The following ADGRA1 variants were observed in gnomAD, a reference collection of about 807,000 sequenced individuals.
ADGRA1 encodes adhesion G protein-coupled receptor A1.
A neutral mutation model predicts 21.3 loss-of-function variants in ADGRA1; 12 were observed. The ratio of observed to expected loss-of-function variants is 0.56; its 90% CI spans 0.36 to 0.91. The LOEUF (loss-of-function observed/expected upper bound fraction) is 0.91, where lower values mean the gene tolerates loss of function less well. Among genes scored for constraint, ADGRA1 ranks in the 40% least tolerant of loss-of-function variants. The pLI is 0.01. For synonymous variants in ADGRA1, 385 were observed against 368.8 expected, an observed-to-expected ratio of 1.04 and a Z score of -0.50; for missense variants, 790 against 805.6, an observed-to-expected ratio of 0.98 and a Z score of 0.23.
intron 5 of ADGRA1, among the ~76,000 whole-genome samples, chr10:133,118,259 C>G (rs1173014213): frequency 6.6e-6 from 1 of 152,142 alleles, no homozygotes; most frequent in African/African-American, 2.4e-5. Context: ...ACGGTGCCCA[C>G]AGGATTTTTA....
chr10:133,094,903 C>T (rs1364333245), intron 2 of ADGRA1, among the ~76,000 whole-genome samples: 1 of 152,182 alleles, frequency 6.6e-6, no homozygotes, highest in African/African-American at 2.4e-5. Flanking sequence ...CACTGGATAA[C>T]CTGATGTCGG....
At chr10:133,094,254 C>T (rs992709224) in intron 2 of ADGRA1, among the ~76,000 whole-genome samples, 4 of 152,252 alleles carry the variant, frequency 2.6e-5, no homozygotes, top group African/African-American at 9.6e-5. Flanking sequence ...ACGTTTGCCT[C>T]TTGCATGAAA....
intron 5 of ADGRA1, among the ~76,000 whole-genome samples, chr10:133,118,193 A>G (rs752477394): frequency 7.2e-5 from 11 of 152,212 alleles, no homozygotes; most frequent in East Asian, 5.8e-4. Context: ...CCTTTTCATT[A>G]GAGAGTAAAA....
At chr10:133,111,702 A>T (rs373902014) in intron 5 of ADGRA1, among the ~76,000 whole-genome samples, 11 of 11,418 alleles carry the variant, frequency 9.6e-4, no homozygotes, top group South Asian at 4.4e-3. Flanking sequence ...TCCTAATCCC[A>T]CCAGACCACC....
intron 5 of ADGRA1, among the ~76,000 whole-genome samples, chr10:133,117,467 G>A (rs1009624): frequency 2.0e-5 from 3 of 152,184 alleles, no homozygotes; most frequent in Admixed American, 6.5e-5. Flanking sequence ...TGGGAGGTCC[G>A]GTGCACTGTG....
At chr10:133,090,343 C>T (rs1219573713) in intron 2 of ADGRA1, among the ~76,000 whole-genome samples, 2 of 152,274 alleles carry the variant, frequency 1.3e-5, no homozygotes, top group East Asian at 1.9e-4. Flanking sequence ...CGGTCCCAGC[C>T]GGCCTGGCAG....
At chr10:133,109,802 T>G (rs1851954787) in intron 5 of ADGRA1, among the ~76,000 whole-genome samples, 1 of 152,248 alleles carries the variant, frequency 6.6e-6, no homozygotes, top group African/African-American at 2.4e-5. Flanking sequence ...GAAATCGGCC[T>G]CCAGGCTCAG....
Position 133,128,989 on chromosome 10 carries a change from G to C in ADGRA1, c.1161G>C (p.Met387Ile), listed in dbSNP as rs1190729070. 1 of 1,565,344 alleles carries C rather than the reference G, an allele frequency of 6.4e-7. No homozygotes were observed. Among genetic ancestry groups the C allele is most frequent in the East Asian group, 2.3e-5 (1 of 42,784 alleles). The part of the protein sequence containing the change: ...LSPATPCCAK[M>I]HCEPLTADEA... ...CGGCCACCCCGTGCTGCGCCAAGAT[G>C]CACTGCGAGCCACTGACGGCGGACG... The change falls in exon 7 of 7, where the codon ATG becomes ATC. Residue 387 changes from methionine (M) to isoleucine (I), a missense_variant. Met to Ile is a conservative substitution (Grantham distance 10, BLOSUM62 1). Coordinates refer to ENST00000392607, the MANE Select transcript of ADGRA1 (RefSeq NM_001083909.3).
intron 5 of ADGRA1, among the ~76,000 whole-genome samples, chr10:133,112,211 G>A (rs1274313109): frequency 6.6e-6 from 1 of 152,254 alleles, no homozygotes; most frequent in Non-Finnish European, 1.5e-5. Context: ...GTGCTCGGGG[G>A]CTGATTCCCC....
chr10:133,100,309 G>A (rs926797418), intron 4 of ADGRA1, among the ~76,000 whole-genome samples: 4 of 152,238 alleles, frequency 2.6e-5, no homozygotes, highest in East Asian at 3.9e-4. Context: ...GCAAGTGCCC[G>A]GGAAACGCCA....
At chr10:133,098,540 G>T in intron 3 of ADGRA1, 100 bp from the exon 4 acceptor site, 1 of 1,447,454 alleles carries the variant, frequency 6.9e-7, no homozygotes, top group South Asian at 1.3e-5. Flanking sequence ...CGGAGAGCCC[G>T]GACTTCCCGG....
At chr10:133,095,683 C>A in intron 2 of ADGRA1, 2 of 1,597,320 alleles carry the variant, frequency 1.3e-6, no homozygotes, top group Non-Finnish European at 1.7e-6. Context: ...CACTCTCTAG[C>A]CAGCCAGGGC....
intron 5 of ADGRA1, among the ~76,000 whole-genome samples, chr10:133,108,859 G>A (rs1334776025): frequency 2.7e-5 from 2 of 72,976 alleles, no homozygotes; most frequent in African/African-American, 5.1e-5. Context: ...CTCCCCTCAT[G>A]TCCTCCATGG....
intron 5 of ADGRA1, among the ~76,000 whole-genome samples, chr10:133,103,531 G>T (rs564289390): frequency 6.6e-6 from 1 of 152,324 alleles, no homozygotes; most frequent in African/African-American, 2.4e-5. Flanking sequence ...CCATCCTCAG[G>T]CTGGGAATGC....
chr10:133,102,677 T>C lies in ADGRA1; in HGVS notation c.256-20T>C. 1 of 1,590,418 alleles carries C rather than the reference T, an allele frequency of 6.3e-7. No individual in the cohort carries two copies. The highest frequency in any genetic ancestry group is 8.6e-7 in the Non-Finnish European group (1 of 1,163,766). On this transcript the variant is annotated intron_variant, in intron 4 of 6. Coordinates refer to ENST00000392607, the MANE Select transcript of ADGRA1 (RefSeq NM_001083909.3). ...GGTGGGTGCCCGCCAAGGGCCTGGC[T>C]GACCGCTGCTCCCCCACAGGTGGGC... is the stretch of plus-strand genomic sequence containing the variant.
intron 5 of ADGRA1, among the ~76,000 whole-genome samples, chr10:133,124,462 T>C (rs1852337156): frequency 6.6e-6 from 1 of 152,034 alleles, no homozygotes; most frequent in Non-Finnish European, 1.5e-5. Context: ...TTGGCCTGAC[T>C]CGCGGAAATC....
rs748089640 is a variant in ADGRA1, at chr10:133,127,281, G to T, written c.450G>T (p.Thr150=). 1.2e-6 allele frequency: 2 copies of T among 1,600,312 alleles called. No individual in the cohort carries two copies. Among genetic ancestry groups the T allele is most frequent in the East Asian group, 2.3e-5 (1 of 43,894 alleles). Reference sequence around the variant, plus strand: ...TCCCCTTTATCATCTGTGGGGTCACGGCTGCCACGAACATCAGGAATTACG... The same window carrying T: ...TCCCCTTTATCATCTGTGGGGTCACTGCTGCCACGAACATCAGGAATTACG... ...GGVPFIICGV[T]AATNIRNYGT... is the part of the protein sequence containing the mutation. The change falls in exon 6 of 7, where the codon ACG becomes ACT. Residue 150 remains threonine (T), a synonymous_variant. Transcript: ENST00000392607.
chr10:133,098,589 TC>T, intron 3 of ADGRA1, 50 bp from the exon 4 acceptor site: 1 of 1,565,332 alleles, frequency 6.4e-7, no homozygotes. Context: ...CTTCCACGCC[TC>T]CCCCTGCAGA....
At chr10:133,127,507 C>T (rs1053878459) in intron 6 of ADGRA1, among the ~76,000 whole-genome samples, 176 bp downstream of exon 6, 1 of 152,038 alleles carries the variant, frequency 6.6e-6, no homozygotes, top group Non-Finnish European at 1.5e-5. Flanking sequence ...GAGTGCGCAG[C>T]GCCCCCTCCT....
Sources: allele counts gnomAD v4.1 joint callset (sites outside exome capture counted in the v4.1 genomes callset), GRCh38; gene constraint gnomAD v4.1.1; transcripts MANE v1.5; gene names NCBI Gene and HGNC (gene_info 2026-07-23, HGNC 2026-07-21).